ENDOV: variants seen among roughly 807,000 people sequenced by gnomAD.
The protein encoded by ENDOV is hEndoV.
In ENDOV, 37 loss-of-function variants were observed where a neutral mutation model predicts 39.4. The ratio of observed to expected loss-of-function variants is 0.94; its 90% confidence interval spans 0.72 to 1.23. ENDOV has a LOEUF of 1.23. ENDOV is among the 50% of genes most tolerant of loss of function. The probability of loss-of-function intolerance (pLI) is 0.00; values close to 1 mark genes in which losing one functional copy is unlikely to be tolerated. For synonymous variants in ENDOV, 186 were observed against 163.4 expected (o/e 1.14, Z -1.05); for missense variants, 441 against 375.7 (o/e 1.17, Z -1.44).
chr17:80,431,556 C>T (rs768634381), intron 9 of ENDOV, among the ~76,000 whole-genome samples: 32 of 152,232 alleles, frequency 2.1e-4, no homozygotes, highest in Non-Finnish European at 4.3e-4. Context: ...TGCCATCCAT[C>T]GGCAACGCTG....
chr17:80,422,750 A>G (rs2082212938), intron 4 of ENDOV, among the ~76,000 whole-genome samples: 1 of 151,200 alleles, frequency 6.6e-6, no homozygotes, highest in Non-Finnish European at 1.5e-5. Flanking sequence ...CCCAGGCTGG[A>G]GTGCAGTGGC....
At chr17:80,423,870 C>T (rs1486926726) in intron 5 of ENDOV, 2 of 535,436 alleles carry the variant, frequency 3.7e-6, no homozygotes, top group South Asian at 2.4e-5. Context: ...CTCTGGTCCC[C>T]CTTGCCTCTG....
At chr17:80,417,350 C>G (rs1037822034) in intron 2 of ENDOV, 2 of 152,280 alleles carry the variant, frequency 1.3e-5, no homozygotes, top group African/African-American at 4.8e-5. Context: ...TCAGTTTAGA[C>G]ATGACGTCCT....
intron 9 of ENDOV, chr17:80,430,079 AC>A: frequency 1.3e-6 from 2 of 1,535,578 alleles, no homozygotes; most frequent in Middle Eastern, 3.3e-4. Context: ...TGACCGCACC[AC>A]CCCAGGGGGA....
At chr17:80,419,710 C>T (rs996750990) in intron 2 of ENDOV, 53 of 700,916 alleles carry the variant, frequency 7.6e-5, no homozygotes, top group Non-Finnish European at 1.4e-4. Context: ...TGACGTCCAG[C>T]TTCTTCACTG....
chr17:80,426,215 G>T (rs1343142934), intron 7 of ENDOV, among the ~76,000 whole-genome samples: 1 of 152,222 alleles, frequency 6.6e-6, no homozygotes, highest in African/African-American at 2.4e-5. Context: ...AGCCTCGATA[G>T]GACCAGGGGA....
chr17:80,421,160 G>T (rs1462835641), intron 2 of ENDOV, among the ~76,000 whole-genome samples: 1 of 151,782 alleles, frequency 6.6e-6, no homozygotes, highest in Non-Finnish European at 1.5e-5. Context: ...TGATCCCAGG[G>T]AATCCTCCTA....
chr17:80,433,747 T>G (rs1568258259), intron 9 of ENDOV, among the ~76,000 whole-genome samples: 1 of 152,178 alleles, frequency 6.6e-6, no homozygotes, highest in African/African-American at 2.4e-5. Context: ...CAGGCTCTGC[T>G]TAAAACCGTT....
chr17:80,423,710 C>T (rs189105681), intron 5 of ENDOV, 78 bp downstream of exon 5: 1 of 1,363,298 alleles, frequency 7.3e-7, no homozygotes, highest in Admixed American at 2.1e-5. Context: ...GAGGACACTT[C>T]TGGACCAGCC....
At chr17:80,428,701 A>C in intron 8 of ENDOV, 41 bp downstream of exon 8, 255 of 1,530,710 alleles carry the variant, frequency 1.7e-4, no homozygotes, top group Non-Finnish European at 2.0e-4. Flanking sequence ...GGGGCATCTC[A>C]CAGACACCTG....
At chr17:80,420,523 A>G (rs185918380) in intron 2 of ENDOV, 1 of 152,126 alleles carries the variant, frequency 6.6e-6, no homozygotes, top group Admixed American at 6.5e-5. Context: ...AATACAGAGC[A>G]CTCCGTCTGC....
intron 6 of ENDOV, among the ~76,000 whole-genome samples, 173 bp downstream of exon 6, chr17:80,425,273 T>A (rs930006157): frequency 3.3e-5 from 5 of 152,280 alleles, no homozygotes; most frequent in Admixed American, 3.3e-4. Flanking sequence ...ATGTTTGTGT[T>A]TCTTTCCTCC....
At chr17:80,427,383 G>A in intron 7 of ENDOV, 1 of 977,392 alleles carries the variant, frequency 1.0e-6, no homozygotes, top group Non-Finnish European at 1.2e-6. Flanking sequence ...GCGCCCCAGA[G>A]TAGGACAGTG....
chr17:80,420,519 G>A (rs955537397), intron 2 of ENDOV: 1 of 152,222 alleles, frequency 6.6e-6, no homozygotes, highest in African/African-American at 2.4e-5. Context: ...TGCTAATACA[G>A]AGCACTCCGT....
rs1477442821 is a variant in ENDOV at position 80,436,592 on chromosome 17, T to G, written c.*449T>G. On this transcript the variant is annotated 3_prime_UTR_variant, in exon 10 of 10. Coordinates refer to ENST00000518137, the MANE Select transcript of ENDOV (RefSeq NM_173627.5). Reference sequence around the variant, plus strand: ...TTGATTTTCATATGTTGAGCCAGTTTCCATTTGTGGAATACATCTAACTCG... The same window carrying G: ...TTGATTTTCATATGTTGAGCCAGTTGCCATTTGTGGAATACATCTAACTCG... The G allele has an allele frequency of 3.6e-6, 1 of 279,572 alleles. No homozygotes were observed. Among genetic ancestry groups the G allele is most frequent in the Non-Finnish European group, 6.9e-6 (1 of 145,672 alleles). The allele number at this position is 279,572 out of a possible 1,614,324, so 17.3% of individuals were successfully genotyped here.
intron 2 of ENDOV, 167 bp downstream of exon 2, chr17:80,415,988 A>AAAGTGCTGGGATT: frequency 1.3e-6 from 1 of 796,626 alleles, no homozygotes; most frequent in Non-Finnish European, 1.9e-6. Flanking sequence ...CTGCAATCCC[A>AAAGTGCTGGGATT]GCACTTTGGG....
chr17:80,416,724 C>T (rs1029888446), intron 2 of ENDOV, among the ~76,000 whole-genome samples: 1 of 135,936 alleles, frequency 7.4e-6, no homozygotes, highest in South Asian at 2.8e-4. Context: ...TCCTTCCTTC[C>T]TTCCTTCCTC....
At chr17:80,427,901 A>C (rs2082920202) in intron 7 of ENDOV, 1 of 1,221,374 alleles carries the variant, frequency 8.2e-7, no homozygotes, top group African/African-American at 1.6e-5. Context: ...CCATGAATGG[A>C]AGCAGGAGCA....
At position 80,423,647 on chromosome 17, in the gene ENDOV, G is replaced by A. The variant is rs779194115; in HGVS notation, c.516+15G>A. On this transcript the variant is annotated intron_variant, in intron 5 of 9. Coordinates refer to ENST00000518137, the MANE Select transcript of ENDOV (RefSeq NM_173627.5). Reference sequence around the variant, plus strand: ...ACAAGGAGAAGGTGAGGAGGGGCCTGCTGCAGGCCATGCCCGGCAGCTCAG... The same window carrying A: ...ACAAGGAGAAGGTGAGGAGGGGCCTACTGCAGGCCATGCCCGGCAGCTCAG... 29 of 1,548,288 alleles carry A rather than the reference G, an allele frequency of 1.9e-5. No individual in the cohort carries two copies. The highest frequency in any genetic ancestry group is 2.4e-5 in the Non-Finnish European group (27 of 1,146,650).
Sources: allele counts gnomAD v4.1 joint callset (sites outside exome capture counted in the v4.1 genomes callset), GRCh38; gene constraint gnomAD v4.1.1; transcripts MANE v1.5; gene names NCBI Gene and HGNC (gene_info 2026-07-23, HGNC 2026-07-21).